STOX2: variants seen among roughly 807,000 people sequenced by gnomAD.
The protein encoded by STOX2 is storkhead box 2.
A neutral mutation model predicts 60.9 loss-of-function variants in STOX2; 28 were observed. That is an observed-to-expected ratio of 0.46 (90% CI 0.34 to 0.63). The LOEUF is 0.63. Among genes scored for constraint, STOX2 ranks in the 30% least tolerant of loss-of-function variants. The pLI, the probability that STOX2 is intolerant of heterozygous loss-of-function variation, is 0.01. For synonymous variants in STOX2, 472 were observed against 463.9 expected, an observed-to-expected ratio of 1.02 and a Z score of -0.22; for missense variants, 1,024 against 1,187.7, an observed-to-expected ratio of 0.86 and a Z score of 2.03.
At chr4:183,981,846 G>A (rs1014212742) in intron 1 of STOX2, among the ~76,000 whole-genome samples, 15 of 152,232 alleles carry the variant, frequency 9.9e-5, no homozygotes, top group Admixed American at 5.9e-4. Context: ...CGAGGCAGGG[G>A]AATCACTCGA....
At chr4:183,999,574 G>A (rs769091994) in intron 1 of STOX2, among the ~76,000 whole-genome samples, 1 of 152,166 alleles carries the variant, frequency 6.6e-6, no homozygotes, top group Non-Finnish European at 1.5e-5. Flanking sequence ...TGTGGTCCAG[G>A]GAAAGGGGGG....
At chr4:183,959,312 A>G (rs1002892465) in intron 1 of STOX2, among the ~76,000 whole-genome samples, 1 of 152,162 alleles carries the variant, frequency 6.6e-6, no homozygotes, top group African/African-American at 2.4e-5. Context: ...GCCAGTTAGG[A>G]AGGTCTAACT....
chr4:183,921,205 G>A lies in STOX2; in HGVS notation c.166+14249G>A, dbSNP rs551614041. Among the ~76,000 whole-genome samples, 6 of 152,318 alleles carry A rather than the reference G, an allele frequency of 3.9e-5. No homozygotes were observed. The South Asian group carries it at 1.0e-3, about 26-fold the overall frequency. On this transcript the variant is annotated intron_variant, in intron 1 of 3. Coordinates refer to ENST00000308497, the MANE Select transcript of STOX2 (RefSeq NM_020225.3). ...GAACAATTTGACAGTACCTGGCACA[G>A]TAATTCAAAATGACAGAACTGGGGG...
chr4:183,850,934 A>G (rs1740107607), intron 1 of STOX2, among the ~76,000 whole-genome samples: 1 of 143,966 alleles, frequency 6.9e-6, no homozygotes, highest in African/African-American at 2.6e-5. Flanking sequence ...GAGGGAAAGG[A>G]TGAGGGAAAG....
At chr4:184,014,034 C>G (rs1734264078) in intron 3 of STOX2, 1 of 151,730 alleles carries the variant, frequency 6.6e-6, no homozygotes, top group Non-Finnish European at 1.5e-5. Context: ...CATGCCCAGC[C>G]CTGACATGAA....
intron 1 of STOX2, among the ~76,000 whole-genome samples, chr4:183,961,149 G>A (rs766574829): frequency 6.6e-6 from 1 of 152,068 alleles, no homozygotes; most frequent in African/African-American, 2.4e-5. Flanking sequence ...GGTATGTGTC[G>A]CTAGGGGGGA....
intron 1 of STOX2, among the ~76,000 whole-genome samples, chr4:183,837,761 C>T (rs933293842): frequency 2.0e-5 from 3 of 152,120 alleles, no homozygotes; most frequent in African/African-American, 7.2e-5. Context: ...ACCTGGCCTC[C>T]ACGCATGTTG....
At chr4:183,911,313 G>C (rs1440750266) in intron 1 of STOX2, among the ~76,000 whole-genome samples, 1 of 152,168 alleles carries the variant, frequency 6.6e-6, no homozygotes, top group Non-Finnish European at 1.5e-5. Flanking sequence ...AGAGTAATGA[G>C]GGGGGAAGAA....
intron 1 of STOX2, among the ~76,000 whole-genome samples, chr4:183,827,082 A>G (rs1739451956): frequency 6.6e-6 from 1 of 152,242 alleles, no homozygotes; most frequent in Non-Finnish European, 1.5e-5. Flanking sequence ...AGGGTCACCT[A>G]GCTGCTATGT....
intron 1 of STOX2, among the ~76,000 whole-genome samples, chr4:183,928,057 A>C (rs1004148017): frequency 6.6e-6 from 1 of 152,204 alleles, no homozygotes; most frequent in Non-Finnish European, 1.5e-5. Flanking sequence ...AGATGAACAG[A>C]GGTGCTAAGG....
intron 1 of STOX2, among the ~76,000 whole-genome samples, chr4:183,918,027 C>A (rs759354543): frequency 2.6e-5 from 4 of 152,208 alleles, no homozygotes; most frequent in African/African-American, 9.7e-5. Context: ...TACATCTTTG[C>A]TACTGTTATT....
At chr4:184,012,817 A>G (rs984514542) in intron 3 of STOX2, among the ~76,000 whole-genome samples, 16 of 152,146 alleles carry the variant, frequency 1.1e-4, no homozygotes, top group African/African-American at 3.6e-4. Context: ...TTTCTAAGAA[A>G]TCATTTTTGC....
intron 1 of STOX2, among the ~76,000 whole-genome samples, chr4:183,997,941 G>A (rs1240353853): frequency 2.6e-5 from 4 of 152,184 alleles, no homozygotes; most frequent in African/African-American, 9.7e-5. Flanking sequence ...AATTAACTGA[G>A]AATATGGCAG....
chr4:183,992,153 G>C (rs372546298), intron 1 of STOX2, among the ~76,000 whole-genome samples: 1 of 152,170 alleles, frequency 6.6e-6, no homozygotes, highest in Admixed American at 6.5e-5. Context: ...AAGCGTGTTC[G>C]GTTTTAGGGG....
At chr4:183,845,386 A>G (rs975732101) in intron 1 of STOX2, among the ~76,000 whole-genome samples, 19 of 152,346 alleles carry the variant, frequency 1.2e-4, no homozygotes, top group African/African-American at 4.1e-4. Flanking sequence ...CAGTGGTTCA[A>G]TTTACCTTGA....
intron 1 of STOX2, among the ~76,000 whole-genome samples, chr4:183,818,237 C>G (rs1022969710): frequency 2.7e-4 from 41 of 151,866 alleles, no homozygotes; most frequent in African/African-American, 9.2e-4. Flanking sequence ...GGCAGAGGAC[C>G]CTGCGGCCTT....
intron 1 of STOX2, among the ~76,000 whole-genome samples, chr4:183,881,368 G>A (rs76700188): frequency 1.4e-3 from 206 of 152,328 alleles, no homozygotes; most frequent in African/African-American, 4.4e-3. Flanking sequence ...GTTAGGTGTG[G>A]TGGTGCGCCT....
chr4:183,835,557 A>G (rs1490679426), intron 1 of STOX2, among the ~76,000 whole-genome samples: 2 of 152,282 alleles, frequency 1.3e-5, no homozygotes, highest in East Asian at 1.9e-4. Flanking sequence ...TAATTAATTA[A>G]TGTCCAGTAA....
At chr4:183,938,681 A>C (rs939067856) in intron 1 of STOX2, among the ~76,000 whole-genome samples, 35 of 151,878 alleles carry the variant, frequency 2.3e-4, no homozygotes, top group Non-Finnish European at 3.8e-4. Flanking sequence ...AAAAAAAAAA[A>C]AAAAAAAAAA....
Sources: gnomAD v4.1 joint callset for allele counts (sites outside exome capture counted in the v4.1 genomes callset) on GRCh38, gnomAD v4.1.1 for gene constraint, MANE v1.5 for transcripts, NCBI Gene and HGNC (gene_info 2026-07-23, HGNC 2026-07-21) for gene names.